The following CTNND2 variants were observed in gnomAD, a reference collection of about 807,000 sequenced individuals.
CTNND2 encodes the protein catenin delta 2.
A neutral mutation model predicts 144.4 loss-of-function variants in CTNND2; 22 were observed. The ratio of observed to expected loss-of-function variants is 0.15; its 90% CI spans 0.11 to 0.22. The LOEUF (loss-of-function observed/expected upper bound fraction) is 0.22. CTNND2 is among the 10% of genes least tolerant of loss of function. The probability of loss-of-function intolerance (pLI) is 1.00; values close to 1 mark genes in which losing one functional copy is unlikely to be tolerated. For missense variants in CTNND2, 1,353 were observed against 1,618.8 expected (o/e 0.84, Z 2.82); for synonymous variants, 751 against 695.6 (o/e 1.08, Z -1.25).
At chr5:11,393,434 TTTTG>T (rs1317928051) in intron 6 of CTNND2, among the ~76,000 whole-genome samples, 3 of 152,364 alleles carry the variant, frequency 2.0e-5, no homozygotes, top group Non-Finnish European at 4.4e-5. Context: ...TGCATAGTTT[TTTTG>T]TTTGAGGGAC....
chr5:11,875,552 A>G (rs1376446850), intron 1 of CTNND2, among the ~76,000 whole-genome samples: 1 of 152,164 alleles, frequency 6.6e-6, no homozygotes, highest in African/African-American at 2.4e-5. Context: ...AATTATATTC[A>G]GATGAGGTCG....
intron 3 of CTNND2, among the ~76,000 whole-genome samples, chr5:11,538,564 T>G (rs111849975): frequency 6.6e-6 from 1 of 152,334 alleles, no homozygotes; most frequent in South Asian, 2.1e-4. Context: ...CTTCTGCTAT[T>G]TTCATAACAC....
At chr5:11,622,505 G>C (rs1481276324) in intron 2 of CTNND2, among the ~76,000 whole-genome samples, 2 of 152,090 alleles carry the variant, frequency 1.3e-5, no homozygotes, top group African/African-American at 4.8e-5. Flanking sequence ...TATTCATATG[G>C]GTTCATAAAC....
chr5:11,603,203 T>C (rs1334176910), intron 2 of CTNND2, among the ~76,000 whole-genome samples: 4 of 152,158 alleles, frequency 2.6e-5, no homozygotes, highest in Non-Finnish European at 4.4e-5. Context: ...ATAAATGCCA[T>C]TGCTTCGTAA....
intron 1 of CTNND2, among the ~76,000 whole-genome samples, chr5:11,895,725 A>C (rs573134533): frequency 5.6e-4 from 85 of 152,340 alleles, no homozygotes; most frequent in Admixed American, 2.0e-3. Context: ...GAGTGACATA[A>C]TTACTATAGA....
chr5:11,834,202 TA>T (rs765620322), intron 1 of CTNND2, among the ~76,000 whole-genome samples: 1 of 152,118 alleles, frequency 6.6e-6, no homozygotes, highest in African/African-American at 2.4e-5. Context: ...CAAATGCTCA[TA>T]AAAATATTAA....
At chr5:11,117,381 T>C in intron 13 of CTNND2, 69 bp downstream of exon 13, 1 of 1,175,578 alleles carries the variant, frequency 8.5e-7, no homozygotes, top group Middle Eastern at 1.9e-4. Context: ...TCCAGGGTTG[T>C]TAGCTATTGT....
intron 12 of CTNND2, among the ~76,000 whole-genome samples, chr5:11,119,289 G>A (rs752565548): frequency 6.6e-6 from 1 of 152,204 alleles, no homozygotes; most frequent in Non-Finnish European, 1.5e-5. Context: ...CCACAGACGT[G>A]TTAAGATAGG....
intron 16 of CTNND2, among the ~76,000 whole-genome samples, chr5:11,075,805 T>C (rs1748883589): frequency 6.6e-6 from 1 of 152,268 alleles, no homozygotes; most frequent in African/African-American, 2.4e-5. Context: ...AGAATGAGTT[T>C]GATTAGAGTC....
chr5:11,890,025 A>T, intron 1 of CTNND2, among the ~76,000 whole-genome samples: 1 of 152,318 alleles, frequency 6.6e-6, no homozygotes, highest in East Asian at 1.9e-4. Context: ...AAATAAATCT[A>T]CTTTCATAAT....
chr5:11,097,778 C>A (rs61755694), intron 15 of CTNND2, among the ~76,000 whole-genome samples: 11,605 of 152,202 alleles, frequency 0.076, 580 homozygotes, highest in Non-Finnish European at 0.1. Context: ...GAATATCCCA[C>A]ACCCCAGGAT....
chr5:11,875,102 A>G (rs1397321429), intron 1 of CTNND2, among the ~76,000 whole-genome samples: 2 of 152,196 alleles, frequency 1.3e-5, no homozygotes, highest in Non-Finnish European at 2.9e-5. Context: ...CTTAAAAATA[A>G]TTTTCCTATG....
intron 1 of CTNND2, among the ~76,000 whole-genome samples, chr5:11,756,825 TCTCTC>T (rs1211209131): frequency 1.3e-5 from 2 of 151,578 alleles, no homozygotes; most frequent in East Asian, 1.9e-4. Flanking sequence ...CATTTTTAGT[TCTCTC>T]CTCTACAAAT....
chr5:11,762,103 T>C (rs935122929), intron 1 of CTNND2, among the ~76,000 whole-genome samples: 1 of 152,200 alleles, frequency 6.6e-6, no homozygotes, highest in Non-Finnish European at 1.5e-5. Flanking sequence ...CTTACTGATA[T>C]AACTGGATGA....
intron 3 of CTNND2, among the ~76,000 whole-genome samples, chr5:11,448,861 A>AGTTT (rs753849626): frequency 6.6e-5 from 10 of 151,294 alleles, no homozygotes; most frequent in Admixed American, 2.0e-4. Flanking sequence ...CTTGTTTGCT[A>AGTTT]GTTTGTTTGT....
intron 1 of CTNND2, among the ~76,000 whole-genome samples, chr5:11,745,122 G>A (rs915797462): frequency 7.2e-5 from 11 of 152,060 alleles, no homozygotes; most frequent in South Asian, 6.2e-4. Context: ...TATATATAAC[G>A]TACTATATTA....
intron 2 of CTNND2, among the ~76,000 whole-genome samples, chr5:11,614,956 A>G (rs891940631): frequency 6.6e-6 from 1 of 152,148 alleles, no homozygotes; most frequent in African/African-American, 2.4e-5. Context: ...AAAATGGGCA[A>G]TGATGCAAAA....
chr5:10,975,017 T>C (rs1278460477), intron 21 of CTNND2, among the ~76,000 whole-genome samples: 4 of 152,214 alleles, frequency 2.6e-5, no homozygotes, highest in African/African-American at 9.6e-5. Flanking sequence ...ATGAGGTTTC[T>C]GTCTACCTAC....
intron 1 of CTNND2, among the ~76,000 whole-genome samples, chr5:11,873,157 G>A (rs557775639): frequency 4.1e-4 from 62 of 152,140 alleles, no homozygotes; most frequent in Non-Finnish European, 2.4e-4. Context: ...GAGACACAGG[G>A]ATTCAATAGT....
Sources: allele counts gnomAD v4.1 joint callset (sites outside exome capture counted in the v4.1 genomes callset), GRCh38; gene constraint gnomAD v4.1.1; transcripts MANE v1.5; gene names NCBI Gene and HGNC (gene_info 2026-07-23, HGNC 2026-07-21).